SPEN: variants seen among roughly 807,000 people sequenced by gnomAD.
SPEN encodes spen family transcriptional repressor, also known as msx2-interacting protein.
In SPEN, 18 loss-of-function variants were observed where a neutral mutation model predicts 269.9. The ratio of observed to expected loss-of-function variants is 0.07; its 90% CI spans 0.05 to 0.10. The LOEUF is 0.10. SPEN is among the 10% of genes least tolerant of loss of function. The pLI is 1.00. For missense variants in SPEN, 3,822 were observed against 4,631.2 expected (o/e 0.83, Z 5.07); for synonymous variants, 1,726 against 1,765.7 (o/e 0.98, Z 0.56).
chr1:15,909,323 G>A lies in SPEN; in HGVS notation c.884G>A (p.Ser295Asn). 6.2e-7 allele frequency: 1 copy of A among 1,602,974 alleles called. No individual in the cohort carries two copies. Among genetic ancestry groups the A allele is most frequent in the Non-Finnish European group, 8.5e-7 (1 of 1,176,490 alleles). ...SSSSSTSSDS[S>N]DSSSSSSDDS... ...TTGTTGTTGTTGCCTTTTTGCAGCA[G>A]TGATTCCAGCAGTAGTTCAAGTGAT... The change falls in exon 4 of 15, where the codon AGT (serine) becomes AAT (asparagine). Residue 295 changes from serine to asparagine, a missense_variant and splice_region_variant. By Grantham distance (46) the Ser-to-Asn change is conservative (BLOSUM62 1). This residue lies in a region of SPEN where 327 missense variants were observed against 350.8 expected (regional missense o/e 0.93). Coordinates refer to ENST00000375759, the MANE Select transcript of SPEN (RefSeq NM_015001.3).
At chr1:15,915,532 T>G (rs139689578) in intron 5 of SPEN, among the ~76,000 whole-genome samples, 122 of 152,238 alleles carry the variant, frequency 8.0e-4, no homozygotes, top group Non-Finnish European at 2.2e-4. Context: ...TCTATTTTAT[T>G]TTTTCTATTT....
chr1:15,935,241 G>A lies in SPEN; in HGVS notation c.9001G>A (p.Val3001Ile), dbSNP rs1389136260. 1.6e-5 allele frequency: 26 copies of A among 1,614,058 alleles called. No individual in the cohort carries two copies. The highest frequency in any genetic ancestry group is 2.2e-5 in the Non-Finnish European group (26 of 1,180,000). Residue 3001 changes from valine (V) to isoleucine (I), a missense_variant, in exon 11 of 15, where the codon GTC becomes ATC. Val to Ile is a conservative substitution (Grantham distance 29). Coordinates refer to ENST00000375759, the MANE Select transcript of SPEN (RefSeq NM_015001.3). This position sits in a 1 kb window ranked among gnomAD's most constrained non-coding sequence, Gnocchi z 7.7. Reference protein sequence around the residue: ...PSKLPTEVNHVPSGPSIPADR... With the variant: ...PSKLPTEVNHIPSGPSIPADR... ...CAAACTGCCTACAGAAGTCAACCAT[G>A]TCCCCTCGGGGCCCAGCATCCCAGC...
At position 15,937,317 on chromosome 1, in the gene SPEN, G is replaced by A. The variant is rs147969590; in HGVS notation, c.10181G>A (p.Gly3394Glu). 23 of 1,613,748 alleles carry A rather than the reference G, an allele frequency of 1.4e-5. No individual in the cohort carries two copies. In the African/African-American group the frequency reaches 2.8e-4, roughly 20 times the overall value. Reference protein sequence around the residue: ...KMPQVSQEAKGTQTGVEQPRL... With the variant: ...KMPQVSQEAKETQTGVEQPRL... Reference sequence around the variant, plus strand: ...CCTCAAGTGTCCCAGGAGGCAAAGGGGACCCAGACGGGAGTAGAGCAGCCT... The same window carrying A: ...CCTCAAGTGTCCCAGGAGGCAAAGGAGACCCAGACGGGAGTAGAGCAGCCT... The change falls in exon 12 of 15, where the codon GGG becomes GAG. Residue 3394 changes from glycine to glutamate, a missense_variant. By Grantham distance (98) the Gly-to-Glu change is moderately conservative. Around this residue, in one of 16 missense-constraint regions of SPEN, gnomAD observed 359 missense variants for 377.3 expected, o/e 0.95. Coordinates refer to ENST00000375759, the MANE Select transcript of SPEN (RefSeq NM_015001.3). This position sits in a 1 kb window ranked among gnomAD's most constrained non-coding sequence, Gnocchi z 5.7.
chr1:15,931,050 C>T lies in SPEN; in HGVS notation c.4810C>T (p.Pro1604Ser), dbSNP rs144252178. 1 of 1,613,636 alleles carries T rather than the reference C, an allele frequency of 6.2e-7. No individual in the cohort carries two copies. The highest frequency in any genetic ancestry group is 8.5e-7 in the Non-Finnish European group (1 of 1,179,932). Residue 1604 changes from proline (P) to serine (S), a missense_variant, in exon 11 of 15, where the codon CCC becomes TCC. This residue lies in a region of SPEN where 533 missense variants were observed against 618.8 expected (regional missense o/e 0.86). Transcript: ENST00000375759. The surrounding 1 kb of genome is among the most constrained non-coding windows in gnomAD (Gnocchi z 4.8). ...QQKEKEKDQK[P>S]KEVEKQEDTE... ...GAAAGAAAAAGAAAAAGACCAGAAACCCAAAGAGGTTGAGAAACAGGAAGA... is the reference window on the plus strand; with the variant it reads ...GAAAGAAAAAGAAAAAGACCAGAAATCCAAAGAGGTTGAGAAACAGGAAGA...
intron 3 of SPEN, among the ~76,000 whole-genome samples, chr1:15,879,274 G>T (rs1471545430): frequency 6.6e-6 from 1 of 152,136 alleles, no homozygotes; most frequent in Non-Finnish European, 1.5e-5. Context: ...CCAGGAGGTG[G>T]AGGTTGCAGT....
In SPEN at chr1:15,931,606, A is replaced by C; in HGVS notation, c.5366A>C (p.Gln1789Pro). 1 of 1,614,148 alleles carries C rather than the reference A, an allele frequency of 6.2e-7. No homozygotes were observed. Among genetic ancestry groups the C allele is most frequent in the Middle Eastern group, 1.6e-4 (1 of 6,062 alleles). The part of the protein sequence containing the change: ...ATADAEPDAN[Q>P]KAEAAPESQP... ...GCAGATGCTGAGCCTGATGCAAACC[A>C]GAAAGCCGAAGCTGCTCCTGAGTCT... is the stretch of plus-strand genomic sequence containing the variant. Residue 1789 changes from glutamine (Q) to proline (P), a missense_variant, in exon 11 of 15, where the codon CAG (glutamine) becomes CCG (proline). Around this residue, in one of 16 missense-constraint regions of SPEN, gnomAD observed 533 missense variants for 618.8 expected, o/e 0.86. Coordinates refer to ENST00000375759, the MANE Select transcript of SPEN (RefSeq NM_015001.3). The surrounding 1 kb of genome is among the most constrained non-coding windows in gnomAD (Gnocchi z 4.8).
rs2070290581 is a variant in SPEN, at chr1:15,848,010, C to T, written c.-58C>T. On this transcript the variant is annotated 5_prime_UTR_variant, in exon 1 of 15. Coordinates refer to ENST00000375759, the MANE Select transcript of SPEN (RefSeq NM_015001.3). This position sits in a 1 kb window ranked among gnomAD's most constrained non-coding sequence, Gnocchi z 5.1. ...GCACCCGCCTCCCGGCGCTGACGGT[C>T]TCGTACGAAGCCGGCGAGGGGGAGC... The T allele has an allele frequency of 1.6e-6, 2 of 1,234,114 alleles. No individual in the cohort carries two copies. The highest frequency in any genetic ancestry group is 2.9e-5 in the Admixed American group (1 of 34,154). 76.4% of individuals were successfully genotyped at this position (1,234,114 alleles called of 1,614,324 possible). A position where few individuals can be genotyped will look rare whatever the true frequency, so the allele number is the denominator to read the frequency against.
At chr1:15,855,445 C>CT (rs2070376606) in intron 1 of SPEN, among the ~76,000 whole-genome samples, 3 of 151,750 alleles carry the variant, frequency 2.0e-5, no homozygotes, top group African/African-American at 7.3e-5. Context: ...AAAACTGGGG[C>CT]TTATGTACTC....
intron 11 of SPEN, among the ~76,000 whole-genome samples, chr1:15,936,917 G>C (rs1286802951): frequency 1.3e-5 from 2 of 152,128 alleles, no homozygotes; most frequent in African/African-American, 2.4e-5. Flanking sequence ...TCACATCATG[G>C]GGAGTTCTGC....
intron 1 of SPEN, among the ~76,000 whole-genome samples, chr1:15,861,266 G>A (rs1250947755): frequency 6.6e-6 from 1 of 151,536 alleles, no homozygotes; most frequent in Non-Finnish European, 1.5e-5. Flanking sequence ...CAAGTACCTA[G>A]GACTATAGGC....
chr1:15,930,233 G>C lies in SPEN; in HGVS notation c.3993G>C (p.Leu1331Phe). ...TGGCCAAAATAAAACTATCTGTCTT[G>C]AATTCTGAAGATGAACTAAATCGTT... ...ADMAKIKLSV[L>F]NSEDELNRWD... The change falls in exon 11 of 15, where the codon TTG becomes TTC. Residue 1331 changes from leucine (L) to phenylalanine (F), a missense_variant. Coordinates refer to ENST00000375759, the MANE Select transcript of SPEN (RefSeq NM_015001.3). This position sits in a 1 kb window ranked among gnomAD's most constrained non-coding sequence, Gnocchi z 5.3. 6.2e-7 allele frequency: 1 copy of C among 1,614,164 alleles called. No homozygotes were observed. Among genetic ancestry groups the C allele is most frequent in the South Asian group, 1.1e-5 (1 of 91,082 alleles).
intron 1 of SPEN, among the ~76,000 whole-genome samples, chr1:15,859,362 T>TC (rs1462804112): frequency 3.2e-4 from 47 of 144,748 alleles, no homozygotes; most frequent in Admixed American, 1.0e-3. Context: ...TCTTTTCTTT[T>TC]TTTTTTTTTT....
intron 8 of SPEN, among the ~76,000 whole-genome samples, chr1:15,920,399 A>C (rs2071107112): frequency 6.6e-6 from 1 of 152,218 alleles, no homozygotes; most frequent in South Asian, 2.1e-4. Context: ...GTTTAGAGAA[A>C]TACACATCTT....
intron 3 of SPEN, among the ~76,000 whole-genome samples, chr1:15,893,078 A>G (rs1368045912): frequency 2.0e-5 from 3 of 152,244 alleles, no homozygotes; most frequent in East Asian, 3.8e-4. Flanking sequence ...AGCCTGGGCA[A>G]CAAGAGTGAA....
intron 9 of SPEN, among the ~76,000 whole-genome samples, chr1:15,921,381 C>G (rs2071118715): frequency 6.6e-6 from 1 of 152,162 alleles, no homozygotes; most frequent in Non-Finnish European, 1.5e-5. Context: ...GGCTGCCAGC[C>G]AGGGGAGTGG....
chr1:15,923,910 C>G lies in SPEN; in HGVS notation c.1850+1561C>G, dbSNP rs1216641853. Among the ~76,000 whole-genome samples the G allele has an allele frequency of 1.3e-5, 2 of 152,208 alleles. 1 individual carries two copies. Among genetic ancestry groups the G allele is most frequent in the South Asian group, 4.2e-4 (2 of 4,816 alleles). On this transcript the variant is annotated intron_variant, in intron 10 of 14. Coordinates refer to ENST00000375759, the MANE Select transcript of SPEN (RefSeq NM_015001.3). ...GTCTTGAACTCCTGACCTCGTGATCCGCCCGCCTTGGCCTCTCAAAGTGCT... is the reference window on the plus strand; with the variant it reads ...GTCTTGAACTCCTGACCTCGTGATCGGCCCGCCTTGGCCTCTCAAAGTGCT...
At chr1:15,856,073 A>G (rs2070383898) in intron 1 of SPEN, among the ~76,000 whole-genome samples, 1 of 138,708 alleles carries the variant, frequency 7.2e-6, no homozygotes, top group Non-Finnish European at 1.6e-5. Flanking sequence ...GCTCACTGCA[A>G]GCTCCACCTC....
chr1:15,914,659 C>T (rs1311934697), intron 5 of SPEN, among the ~76,000 whole-genome samples: 1 of 152,064 alleles, frequency 6.6e-6, no homozygotes, highest in African/African-American at 2.4e-5. Flanking sequence ...CCCGTCTCTA[C>T]TAAAAATACA....
At position 15,880,578 on chromosome 1, in the gene SPEN, C is replaced by G. The variant is rs2070677742; in HGVS notation, c.881+3900C>G. ...TCAAGCGATTCTCTTGACTCAGCCT[C>G]CTGAGGAGCTGGGATTACAGGCACT... On this transcript the variant is annotated intron_variant, in intron 3 of 14. Transcript: ENST00000375759. Among the ~76,000 whole-genome samples the G allele has an allele frequency of 1.3e-5, 2 of 151,264 alleles. 1 individual carries two copies. Among genetic ancestry groups the G allele is most frequent in the South Asian group, 4.2e-4 (2 of 4,782 alleles).
Sources: gnomAD v4.1 joint callset for allele counts (sites outside exome capture counted in the v4.1 genomes callset) on GRCh38, gnomAD v4.1.1 for gene constraint, gnomAD v4.1.1 regional missense constraint, Gnocchi (gnomAD v3.1) non-coding constraint, MANE v1.5 for transcripts, NCBI Gene and HGNC (gene_info 2026-07-23, HGNC 2026-07-21) for gene names.